The following MYH15 variants were observed in gnomAD, a reference collection of about 807,000 sequenced individuals.
MYH15 encodes myosin heavy chain 15, also known as myosin-15.
MYH15 carries 227 observed loss-of-function variants against 240.5 expected under a neutral mutation model. The ratio of observed to expected loss-of-function variants is 0.94; its 90% CI spans 0.85 to 1.05. MYH15 has a LOEUF of 1.05. Among genes scored for constraint, MYH15 ranks in the 50% least tolerant of loss-of-function variants. The pLI, the probability that MYH15 is intolerant of heterozygous loss-of-function variation, is 0.00. For synonymous variants in MYH15, 785 were observed against 796.7 expected, an observed-to-expected ratio of 0.99 and a Z score of 0.25; for missense variants, 2,217 against 2,247.5, an observed-to-expected ratio of 0.99 and a Z score of 0.27.
the MYH15 span, among the ~76,000 whole-genome samples, chr3:108,540,164 C>T: frequency 6.6e-6 from 1 of 152,176 alleles, no homozygotes; most frequent in Non-Finnish European, 1.5e-5. Context: ...TGACCAAACA[C>T]TTCCACTTCT....
Position 108,389,093 on chromosome 3 carries a change from C to T in MYH15, c.5431-19G>A. ...CACGAACCTGCAACCAAAACGTGACCTCAGACCAGACGCTGCCACCAAGTC... is the reference window on the plus strand; with the variant it reads ...CACGAACCTGCAACCAAAACGTGACTTCAGACCAGACGCTGCCACCAAGTC... On this transcript the variant is annotated intron_variant, in intron 37 of 40. Transcript: ENST00000693548. The T allele has an allele frequency of 6.2e-7, 1 of 1,608,050 alleles. No individual in the cohort carries two copies. Among genetic ancestry groups the T allele is most frequent in the Non-Finnish European group, 8.5e-7 (1 of 1,175,598 alleles).
chr3:108,499,278 C>T (rs1026467998), intron 5 of MYH15, among the ~76,000 whole-genome samples, 177 bp downstream of exon 5: 2 of 152,182 alleles, frequency 1.3e-5, no homozygotes, highest in African/African-American at 4.8e-5. Context: ...GGAGTCATCA[C>T]TGACTAAAGC....
At chr3:108,458,779 C>T (rs1234886152) in intron 18 of MYH15, among the ~76,000 whole-genome samples, 2 of 151,852 alleles carry the variant, frequency 1.3e-5, no homozygotes, top group African/African-American at 2.4e-5. Context: ...TACCATCCAC[C>T]TATCACATCA....
intron 1 of MYH15, among the ~76,000 whole-genome samples, chr3:108,522,954 T>C (rs1201554763): frequency 1.3e-5 from 2 of 152,106 alleles, no homozygotes; most frequent in Non-Finnish European, 2.9e-5. Context: ...AAAAATCCTC[T>C]CACTTCCAAG....
chr3:108,505,795 A>G lies in MYH15; in HGVS notation c.123T>C (p.Asn41=). 6.2e-7 allele frequency: 1 copy of G among 1,612,372 alleles called. No homozygotes were observed. The highest frequency in any genetic ancestry group is 2.2e-5 in the East Asian group (1 of 44,736). ...KKKCWIPDGE[N]AYIEAEVKGS... ...CTTTTACCTCAGCCTCGATATAAGC[A>G]TTCTCACCATCAGGAATCCAGCATT... The change falls in exon 2 of 41, where the codon AAT becomes AAC. Residue 41 remains asparagine (N), a synonymous_variant. Transcript: ENST00000693548.
intron 21 of MYH15, among the ~76,000 whole-genome samples, chr3:108,447,366 A>G (rs1338556055): frequency 2.6e-5 from 4 of 152,166 alleles, no homozygotes; most frequent in Non-Finnish European, 5.9e-5. Flanking sequence ...AGATTCATTA[A>G]GCCCAAAGAA....
intron 1 of MYH15, among the ~76,000 whole-genome samples, chr3:108,509,523 G>A (rs2083505966): frequency 1.3e-5 from 2 of 152,180 alleles, no homozygotes; most frequent in Non-Finnish European, 2.9e-5. Flanking sequence ...ACTGATCCAG[G>A]ACTGGTCTGT....
chr3:108,485,841 A>G (rs1278024766), intron 10 of MYH15, among the ~76,000 whole-genome samples: 1 of 152,254 alleles, frequency 6.6e-6, no homozygotes, highest in Non-Finnish European at 1.5e-5. Context: ...CTAGGAATCT[A>G]GCATAAGGTG....
At chr3:108,391,192 A>T (rs59456233) in intron 37 of MYH15, among the ~76,000 whole-genome samples, 1 of 152,102 alleles carries the variant, frequency 6.6e-6, no homozygotes, top group Non-Finnish European at 1.5e-5. Context: ...AGCATTTATC[A>T]TATGCCTTGT....
Position 108,464,670 on chromosome 3 carries a change from C to A in MYH15, c.1699G>T (p.Ala567Ser). The change falls in exon 15 of 41, where the codon GCT becomes TCT. Residue 567 changes from alanine to serine, a missense_variant. By Grantham distance (99) the Ala-to-Ser change is moderately conservative (BLOSUM62 1). Coordinates refer to ENST00000693548, the MANE Select transcript of MYH15 (RefSeq NM_014981.3). ...GCATAATGGACAAGTTCAAAATGAGCTTCAAATTTCTTCTTATCAGGCTTG... is the reference window on the plus strand; with the variant it reads ...GCATAATGGACAAGTTCAAAATGAGATTCAAATTTCTTCTTATCAGGCTTG... ...KPKPDKKKFE[A>S]HFELVHYAGV... 6.2e-7 allele frequency: 1 copy of A among 1,613,218 alleles called. No individual in the cohort carries two copies. The highest frequency in any genetic ancestry group is 8.5e-7 in the Non-Finnish European group (1 of 1,179,618).
chr3:108,521,836 A>G (rs147457806), intron 1 of MYH15, among the ~76,000 whole-genome samples: 65 of 152,300 alleles, frequency 4.3e-4, no homozygotes, highest in Middle Eastern at 3.4e-3. Flanking sequence ...AATGGACATT[A>G]AAGTGCCCTA....
At chr3:108,408,468 G>A (rs1327055987) in intron 31 of MYH15, 64 bp from the exon 32 acceptor site, 2 of 1,487,166 alleles carry the variant, frequency 1.3e-6, no homozygotes, top group Non-Finnish European at 1.8e-6. Flanking sequence ...AATGATACCA[G>A]GCACAACAGA....
At chr3:108,428,092 G>T (rs1338650877) in intron 27 of MYH15, among the ~76,000 whole-genome samples, 2 of 152,190 alleles carry the variant, frequency 1.3e-5, no homozygotes, top group Non-Finnish European at 2.9e-5. Flanking sequence ...CAGCAAAGCT[G>T]TTTGTGTACA....
chr3:108,435,703 T>TATATATGTATGTATATTTTATATAC (rs1419766180), intron 25 of MYH15, among the ~76,000 whole-genome samples: 7 of 149,766 alleles, frequency 4.7e-5, no homozygotes, highest in African/African-American at 1.7e-4. Flanking sequence ...CATATATATA[T>TATATATGTATGTATATTTTATATAC]ATATATATGT....
At chr3:108,539,408 A>G in the MYH15 span, among the ~76,000 whole-genome samples, 1 of 152,164 alleles carries the variant, frequency 6.6e-6, no homozygotes, top group Non-Finnish European at 1.5e-5. Context: ...TATATATGGG[A>G]AAACATGTGT....
chr3:108,510,757 G>C (rs962506767), upstream of MYH15, among the ~76,000 whole-genome samples: 12 of 152,204 alleles, frequency 7.9e-5, no homozygotes, highest in African/African-American at 2.9e-4. Flanking sequence ...TTGGACTCAA[G>C]AATATCTGAC....
chr3:108,452,915 G>A (rs779012790), intron 21 of MYH15, among the ~76,000 whole-genome samples: 58 of 152,058 alleles, frequency 3.8e-4, no homozygotes, highest in Non-Finnish European at 3.8e-4. Flanking sequence ...CCAGGAGTTC[G>A]AGACCAGCCT....
intron 11 of MYH15, among the ~76,000 whole-genome samples, chr3:108,482,022 A>G (rs2083271608): frequency 6.6e-6 from 1 of 152,084 alleles, no homozygotes; most frequent in African/African-American, 2.4e-5. Context: ...GCAAGCAGGG[A>G]GACCAGGAAG....
chr3:108,538,998 G>T, the MYH15 span, among the ~76,000 whole-genome samples: 9 of 152,086 alleles, frequency 5.9e-5, no homozygotes, highest in African/African-American at 2.2e-4. Flanking sequence ...ATACTTGCAA[G>T]CCCACTTTCT....
Sources: allele counts gnomAD v4.1 joint callset (sites outside exome capture counted in the v4.1 genomes callset), GRCh38; gene constraint gnomAD v4.1.1; transcripts MANE v1.5; gene names NCBI Gene and HGNC (gene_info 2026-07-23, HGNC 2026-07-21).